The following SREK1 variants were observed in gnomAD, a reference collection of about 807,000 sequenced individuals.
SREK1 encodes splicing regulatory glutamic acid and lysine rich protein 1.
In SREK1, 13 loss-of-function variants were observed where a neutral mutation model predicts 66.5. That is an observed-to-expected ratio of 0.20 (90% confidence interval 0.13 to 0.31). The LOEUF is 0.31. Ranked by LOEUF, SREK1 falls within the 10% of genes least tolerant of loss-of-function variation. The pLI is 1.00. For missense variants in SREK1, 607 were observed against 769.6 expected, an observed-to-expected ratio of 0.79 and a Z score of 2.50; for synonymous variants, 265 against 263.5, an observed-to-expected ratio of 1.01 and a Z score of -0.05.
chr5:66,173,176 T>G (rs1428132709), intron 9 of SREK1, among the ~76,000 whole-genome samples: 2 of 152,164 alleles, frequency 1.3e-5, no homozygotes, highest in African/African-American at 4.8e-5. Flanking sequence ...TTTCTGCTTT[T>G]CAAATGTTCT....
intron 9 of SREK1, chr5:66,174,555 A>G (rs1042563397): frequency 1.3e-5 from 2 of 155,044 alleles, no homozygotes; most frequent in East Asian, 1.9e-4. Context: ...TGGGGCAGCA[A>G]GGAGCTAGAT....
Position 66,179,000 on chromosome 5 carries a change from G to A in SREK1, c.*132G>A. ...GATCTAACAGCTTTTCCAGTTGTTA[G>A]ATGACTTTGTGGCCATCTTGTTATT... On this transcript the variant is annotated 3_prime_UTR_variant, in exon 12 of 12. Transcript: ENST00000334121. The A allele has an allele frequency of 1.4e-5, 15 of 1,061,148 alleles. No individual in the cohort carries two copies. Among genetic ancestry groups the A allele is most frequent in the Non-Finnish European group, 1.9e-5 (15 of 790,188 alleles). 65.7% of individuals were successfully genotyped at this position (1,061,148 alleles called of 1,614,324 possible). A position where few individuals can be genotyped will look rare whatever the true frequency, so the allele number is the denominator to read the frequency against.
chr5:66,160,321 G>A (rs1744648972), intron 3 of SREK1, among the ~76,000 whole-genome samples: 3 of 152,184 alleles, frequency 2.0e-5, no homozygotes, highest in African/African-American at 7.2e-5. Context: ...TGAACTATGT[G>A]ATTGTAGTTA....
intron 2 of SREK1, chr5:66,158,702 TTTTTTC>T (rs1580639088): frequency 5.9e-6 from 6 of 1,017,620 alleles, no homozygotes; most frequent in Middle Eastern, 2.6e-4. Flanking sequence ...CACATATTTG[TTTTTTC>T]TTTTTCTTTT....
chr5:66,147,810 T>C (rs143830460), intron 1 of SREK1, among the ~76,000 whole-genome samples: 142 of 152,346 alleles, frequency 9.3e-4, no homozygotes, highest in African/African-American at 3.3e-3. Context: ...ATTGGACATA[T>C]TACCTCATTG....
intron 7 of SREK1, chr5:66,166,796 T>G (rs1405938495): frequency 6.6e-6 from 1 of 152,196 alleles, no homozygotes; most frequent in African/African-American, 2.4e-5. Context: ...TACATACTTT[T>G]GTCAGCATAT....
chr5:66,174,950 A>T lies in SREK1; in HGVS notation c.1489A>T (p.Arg497Trp), dbSNP rs527491644. The change falls in exon 10 of 12, where the codon AGG (arginine) becomes TGG (tryptophan). Residue 497 changes from arginine (R) to tryptophan (W), a missense_variant. Around this residue, in one of 5 missense-constraint regions of SREK1, gnomAD observed 318 missense variants for 310.3 expected, o/e 1.02. Transcript: ENST00000334121. ...TGATGTGTTTTTGATTTTCAGGGAA[A>T]GGCGTAGGAGGAGGAGCAGGAGTTC... The part of the protein sequence containing the change: ...SRRSRSSSRE[R>W]RRRRSRSSSR... 7.2e-5 allele frequency: 116 copies of T among 1,609,656 alleles called. No homozygotes were observed. The highest frequency in any genetic ancestry group is 9.5e-5 in the Non-Finnish European group (112 of 1,178,442).
At chr5:66,147,818 T>C (rs1160337999) in intron 1 of SREK1, among the ~76,000 whole-genome samples, 2 of 152,198 alleles carry the variant, frequency 1.3e-5, no homozygotes, top group African/African-American at 2.4e-5. Flanking sequence ...TATTACCTCA[T>C]TGGTTTTAAA....
At position 66,179,117 on chromosome 5, in the gene SREK1, C is replaced by A. The variant is rs747545212; in HGVS notation, c.*249C>A. 15 of 298,054 alleles carry A rather than the reference C, an allele frequency of 5.0e-5. No individual in the cohort carries two copies. Among genetic ancestry groups the A allele is most frequent in the Non-Finnish European group, 8.6e-5 (14 of 162,100 alleles). 18.5% of individuals were successfully genotyped at this position (298,054 alleles called of 1,614,324 possible). On this transcript the variant is annotated 3_prime_UTR_variant, in exon 12 of 12. Coordinates refer to ENST00000334121, the MANE Select transcript of SREK1 (RefSeq NM_001077199.3). The stretch of plus-strand genomic sequence containing the variant: ...CTGTGCATTTCCATGGTGGCTGACA[C>A]ACTTGTCATGTGGTCTGTTAGTGTT...
At position 66,170,187 on chromosome 5, in the gene SREK1, T is replaced by G. The variant is rs765189404; in HGVS notation, c.1121+17T>G. 18 of 1,598,708 alleles carry G rather than the reference T, an allele frequency of 1.1e-5. No homozygotes were observed. The African/African-American group carries it at 1.4e-4, about 12-fold the overall frequency. ...GCATTCACGGTGAGTTTTAGAGAAA[T>G]TAACAATAATTTTTTTTTCCTCAGA... On this transcript the variant is annotated intron_variant, in intron 8 of 11. Coordinates refer to ENST00000334121, the MANE Select transcript of SREK1 (RefSeq NM_001077199.3).
intron 9 of SREK1, among the ~76,000 whole-genome samples, chr5:66,171,522 T>C (rs926550752): frequency 6.6e-6 from 1 of 152,198 alleles, no homozygotes; most frequent in Non-Finnish European, 1.5e-5. Context: ...GTAACAGCTG[T>C]ACAATGAGAA....
chr5:66,174,271 CTATTT>C (rs1389863407), intron 9 of SREK1, among the ~76,000 whole-genome samples: 2 of 152,032 alleles, frequency 1.3e-5, no homozygotes, highest in Non-Finnish European at 1.5e-5. Flanking sequence ...ATAACGTAAT[CTATTT>C]TATAATTATT....
At chr5:66,172,813 A>G (rs1427643660) in intron 9 of SREK1, among the ~76,000 whole-genome samples, 1 of 149,632 alleles carries the variant, frequency 6.7e-6, no homozygotes, top group Non-Finnish European at 1.5e-5. Flanking sequence ...AAAGAGTTAC[A>G]ATTTCTTTGA....
chr5:66,158,680 AATTTCAATTCGCACAT>A (rs1294090917), intron 2 of SREK1: 1 of 810,850 alleles, frequency 1.2e-6, no homozygotes, highest in Non-Finnish European at 1.7e-6. Flanking sequence ...CTCATTAAGA[AATTTCAATTCGCACAT>A]ATTTGTTTTT....
In SREK1 at chr5:66,177,424, A is replaced by G. The variant is rs1313973225; in HGVS notation, c.1581-90A>G. The G allele has an allele frequency of 4.0e-5, 42 of 1,048,438 alleles. No individual in the cohort carries two copies. The East Asian group carries it at 1.1e-3, about 28-fold the overall frequency. 64.9% of individuals were successfully genotyped at this position (1,048,438 alleles called of 1,614,324 possible). A position where few individuals can be genotyped will look rare whatever the true frequency, so the allele number is the denominator to read the frequency against. ...GCTTATTAACAATGCATTATTTTAGATATCCAGTGTTAGAAAAGGATATTT... is the reference window on the plus strand; with the variant it reads ...GCTTATTAACAATGCATTATTTTAGGTATCCAGTGTTAGAAAAGGATATTT... On this transcript the variant is annotated intron_variant, in intron 10 of 11. Coordinates refer to ENST00000334121, the MANE Select transcript of SREK1 (RefSeq NM_001077199.3).
At chr5:66,159,143 G>A (rs1744521480) in intron 2 of SREK1, 76 bp from the exon 3 acceptor site, 2 of 1,526,720 alleles carry the variant, frequency 1.3e-6, no homozygotes, top group Non-Finnish European at 1.8e-6. Context: ...TTAACTGCAA[G>A]GGTAATTGTA....
rs1034696020 is a variant in SREK1, at chr5:66,167,146, C to T, written c.1001+2249C>T. On this transcript the variant is annotated intron_variant, in intron 7 of 11. Coordinates refer to ENST00000334121, the MANE Select transcript of SREK1 (RefSeq NM_001077199.3). ...TCAAATGCTTCTAGAGCCATGCTTC[C>T]TACCTCCCAACCCTCCCCCACAGCC... is the stretch of plus-strand genomic sequence containing the variant. 2.6e-5 allele frequency: 4 copies of T among 152,140 alleles called. No homozygotes were observed. In the East Asian group the frequency reaches 7.7e-4, roughly 29 times the overall value. The allele number at this position is 152,140 out of a possible 1,614,324, so 9.4% of individuals were successfully genotyped here.
At chr5:66,177,773 G>T (rs1746180423) in intron 11 of SREK1, 115 bp downstream of exon 11, 1 of 805,732 alleles carries the variant, frequency 1.2e-6, no homozygotes, top group African/African-American at 1.8e-5. Context: ...GGCATTTTAT[G>T]GCATTTTAAA....
rs536182038 is a variant in SREK1 at position 66,164,363 on chromosome 5, CTT to C, written c.887-417_887-416del. On this transcript the variant is annotated intron_variant, in intron 6 of 11. Coordinates refer to ENST00000334121, the MANE Select transcript of SREK1 (RefSeq NM_001077199.3). ...TAAGGTAAAAGAACATCTATTTAAA[CTT>C]TTGTGTTGCTAATGAAAATAATTAA... 1.4e-3 allele frequency: 468 copies of C among 335,748 alleles called. 2 individuals are homozygous for C. Among genetic ancestry groups the C allele is most frequent in the Middle Eastern group, 3.2e-3 (3 of 952 alleles). 20.8% of individuals were successfully genotyped at this position (335,748 alleles called of 1,614,324 possible). A position where few individuals can be genotyped will look rare whatever the true frequency, so the allele number is the denominator to read the frequency against.
Sources: gnomAD v4.1 joint callset for allele counts (sites outside exome capture counted in the v4.1 genomes callset) on GRCh38, gnomAD v4.1.1 for gene constraint, gnomAD v4.1.1 regional missense constraint, MANE v1.5 for transcripts, NCBI Gene and HGNC (gene_info 2026-07-23, HGNC 2026-07-21) for gene names.